The following SEPTIN9 variants were observed in gnomAD, a reference collection of about 807,000 sequenced individuals.
SEPTIN9 encodes septin 9, also known as septin-9.
In SEPTIN9, 13 loss-of-function variants were observed where a neutral mutation model predicts 56.6. The ratio of observed to expected loss-of-function variants is 0.23; its 90% CI spans 0.15 to 0.37. SEPTIN9 has a LOEUF of 0.37. SEPTIN9 is among the 10% of genes least tolerant of loss of function. The pLI, the probability that SEPTIN9 is intolerant of heterozygous loss-of-function variation, is 1.00. For synonymous variants in SEPTIN9, 332 were observed against 334.1 expected, an observed-to-expected ratio of 0.99 and a Z score of 0.07; for missense variants, 650 against 823.1, an observed-to-expected ratio of 0.79 and a Z score of 2.57.
At chr17:77,382,111 T>C (rs1359747716) in intron 2 of SEPTIN9, among the ~76,000 whole-genome samples, 3 of 152,150 alleles carry the variant, frequency 2.0e-5, no homozygotes, top group Non-Finnish European at 4.4e-5. Context: ...CACTGCATCC[T>C]CCGCCTCCTG....
chr17:77,380,097 AT>A (rs2035082950), intron 2 of SEPTIN9: 2 of 165,010 alleles, frequency 1.2e-5, no homozygotes, highest in African/African-American at 4.8e-5. Flanking sequence ...AGGCTGTTTA[AT>A]TTGGTCTGCA....
At chr17:77,360,349 C>A (rs2034374366) in intron 2 of SEPTIN9, among the ~76,000 whole-genome samples, 1 of 152,154 alleles carries the variant, frequency 6.6e-6, no homozygotes, top group African/African-American at 2.4e-5. Context: ...GACATACCCC[C>A]CTTCCCAGGG....
In SEPTIN9 at chr17:77,435,794, G is replaced by A. The variant is rs947236668; in HGVS notation, c.721+33091G>A. Among the ~76,000 whole-genome samples, 1 of 152,220 alleles carries A rather than the reference G, an allele frequency of 6.6e-6. No individual in the cohort carries two copies. The highest frequency in any genetic ancestry group is 2.4e-5 in the African/African-American group (1 of 41,468). ...GGTCAGCATGTCGCCTTCATCCCAG[G>A]ACAGTGTGAATGCAGCAGCGCAAGC... is the stretch of plus-strand genomic sequence containing the variant. On this transcript the variant is annotated intron_variant, in intron 3 of 11. Coordinates refer to ENST00000427177, the MANE Select transcript of SEPTIN9 (RefSeq NM_001113491.2). The surrounding 1 kb of genome is among the most constrained non-coding windows in gnomAD (Gnocchi z 4.5).
chr17:77,304,175 C>T (rs2032171926), intron 1 of SEPTIN9, among the ~76,000 whole-genome samples: 1 of 152,200 alleles, frequency 6.6e-6, no homozygotes, highest in South Asian at 2.1e-4. Context: ...GCCAGAGGTC[C>T]CTTCCTGGGA....
At chr17:77,370,054 G>T (rs1028352370) in intron 2 of SEPTIN9, among the ~76,000 whole-genome samples, 1 of 152,236 alleles carries the variant, frequency 6.6e-6, no homozygotes, top group Non-Finnish European at 1.5e-5. Context: ...TACCCACAGG[G>T]TTTGTGATTG....
Position 77,429,299 on chromosome 17 carries a change from C to T in SEPTIN9, c.721+26596C>T, listed in dbSNP as rs1446842075. On this transcript the variant is annotated intron_variant, in intron 3 of 11. Transcript: ENST00000427177. This position sits in a 1 kb window ranked among gnomAD's most constrained non-coding sequence, Gnocchi z 5.2. Reference sequence around the variant, plus strand: ...TGATGGTGCCGATGCCGTCAGCACGCAGGCCTCCTGCCCTCGCCACGACTG... The same window carrying T: ...TGATGGTGCCGATGCCGTCAGCACGTAGGCCTCCTGCCCTCGCCACGACTG... 2 of 470,958 alleles carry T rather than the reference C, an allele frequency of 4.2e-6. No homozygotes were observed. Among genetic ancestry groups the T allele is most frequent in the Non-Finnish European group, 8.8e-6 (2 of 226,956 alleles). 29.2% of individuals were successfully genotyped at this position (470,958 alleles called of 1,614,324 possible).
At chr17:77,315,370 C>T (rs1346767452) in intron 2 of SEPTIN9, among the ~76,000 whole-genome samples, 1 of 152,056 alleles carries the variant, frequency 6.6e-6, no homozygotes, top group Non-Finnish European at 1.5e-5. Context: ...TCACTGCAAC[C>T]TCCACCTCCC....
At chr17:77,461,238 G>C (rs547226110) in intron 3 of SEPTIN9, among the ~76,000 whole-genome samples, 1 of 151,478 alleles carries the variant, frequency 6.6e-6, no homozygotes, top group African/African-American at 2.4e-5. Flanking sequence ...TCCAGGAGGC[G>C]GAGGTTGCAG....
intron 2 of SEPTIN9, among the ~76,000 whole-genome samples, chr17:77,391,928 G>A (rs2035554741): frequency 6.6e-6 from 1 of 152,220 alleles, no homozygotes; most frequent in Non-Finnish European, 1.5e-5. Flanking sequence ...GGCTGTTGAG[G>A]TCAGCTGCCC....
At chr17:77,497,041 CA>C (rs2040297881) in intron 10 of SEPTIN9, 1 of 542,228 alleles carries the variant, frequency 1.8e-6, no homozygotes, top group Middle Eastern at 5.0e-4. Flanking sequence ...GTCACTGTGC[CA>C]TCTCCCATTA....
In SEPTIN9 at chr17:77,358,081, A is replaced by G. The variant is rs540282983; in HGVS notation, c.77-43978A>G. Among the ~76,000 whole-genome samples the G allele has an allele frequency of 1.5e-3, 229 of 152,278 alleles. 1 individual carries two copies. The highest frequency in any genetic ancestry group is 5.0e-3 in the African/African-American group (207 of 41,576). ...CCTTTCAATCTAGGTATTGTTCTCA[A>G]TGGACAGCTTAGTCAACGGAAGCTC... On this transcript the variant is annotated intron_variant, in intron 2 of 11. Coordinates refer to ENST00000427177, the MANE Select transcript of SEPTIN9 (RefSeq NM_001113491.2).
intron 3 of SEPTIN9, among the ~76,000 whole-genome samples, chr17:77,464,665 AT>A (rs1419667347): frequency 1.3e-5 from 2 of 149,578 alleles, no homozygotes; most frequent in African/African-American, 5.0e-5. Flanking sequence ...CAGTGGCGCG[AT>A]CTTGGCTCAC....
chr17:77,455,207 C>T (rs761153017), intron 3 of SEPTIN9, among the ~76,000 whole-genome samples: 3 of 152,196 alleles, frequency 2.0e-5, no homozygotes, highest in Non-Finnish European at 4.4e-5. Flanking sequence ...GATCTTGGCT[C>T]CTGAGCGCCC....
At chr17:77,484,964 GTGAAGGGGGTGA>G in intron 4 of SEPTIN9, among the ~76,000 whole-genome samples, 1 of 124,330 alleles carries the variant, frequency 8.0e-6, no homozygotes. Context: ...GATTGTGGTG[GTGAAGGGGGTGA>G]TGGTGGTGAT....
At chr17:77,335,403 TGTATTA>T (rs2033511778) in intron 2 of SEPTIN9, among the ~76,000 whole-genome samples, 1 of 150,894 alleles carries the variant, frequency 6.6e-6, no homozygotes, top group Non-Finnish European at 1.5e-5. Flanking sequence ...TATGTGGTCC[TGTATTA>T]GTATATGTAC....
At chr17:77,287,420 G>A (rs545006470) in intron 1 of SEPTIN9, among the ~76,000 whole-genome samples, 26 of 152,212 alleles carry the variant, frequency 1.7e-4, no homozygotes, top group African/African-American at 3.9e-4. Flanking sequence ...TGAGCTGCCC[G>A]TCTCCCTGAG....
At chr17:77,457,045 T>C (rs976542859) in intron 3 of SEPTIN9, among the ~76,000 whole-genome samples, 11 of 152,166 alleles carry the variant, frequency 7.2e-5, no homozygotes, top group African/African-American at 2.7e-4. Context: ...CCTCTACTTG[T>C]CTTCTTGAAT....
chr17:77,393,517 T>C (rs1311566579), intron 2 of SEPTIN9, among the ~76,000 whole-genome samples: 1 of 152,152 alleles, frequency 6.6e-6, no homozygotes, highest in East Asian at 1.9e-4. Context: ...ACCCAGGAGA[T>C]GGTAATTACA....
In SEPTIN9 at chr17:77,330,602, C is replaced by T. The variant is rs1041783429; in HGVS notation, c.76+23405C>T. ...GGAGACAACAGGGATTCAAAGAAGT[C>T]GGGAGTGGGGGCACCTGTGCAGCTC... On this transcript the variant is annotated intron_variant, in intron 2 of 11. Coordinates refer to ENST00000427177, the MANE Select transcript of SEPTIN9 (RefSeq NM_001113491.2). This position sits in a 1 kb window ranked among gnomAD's most constrained non-coding sequence, Gnocchi z 4.4. 2.0e-5 allele frequency among the ~76,000 whole-genome samples: 3 copies of T among 152,282 alleles called. No individual in the cohort carries two copies. The highest frequency in any genetic ancestry group is 6.5e-5 in the Admixed American group (1 of 15,306).
Sources: gnomAD v4.1 joint callset for allele counts (sites outside exome capture counted in the v4.1 genomes callset) on GRCh38, gnomAD v4.1.1 for gene constraint, Gnocchi (gnomAD v3.1) non-coding constraint, MANE v1.5 for transcripts, NCBI Gene and HGNC (gene_info 2026-07-23, HGNC 2026-07-21) for gene names.